Variants in ALDH1A2 observed in about 807,000 individuals in gnomAD.
ALDH1A2 encodes retinal dehydrogenase 2.
Under a neutral mutation model 60.3 loss-of-function variants are expected in ALDH1A2, and 27 were observed. The observed-to-expected ratio is 0.45, with a 90% CI of 0.33 to 0.62. ALDH1A2 has a LOEUF of 0.62. Ranked by LOEUF, ALDH1A2 falls within the 20% of genes least tolerant of loss-of-function variation. The pLI is 0.02. For synonymous variants in ALDH1A2, 289 were observed against 232.4 expected, an observed-to-expected ratio of 1.24 and a Z score of -2.21; for missense variants, 581 against 643.8, an observed-to-expected ratio of 0.90 and a Z score of 1.06.
Position 57,954,600 on chromosome 15 carries a change from A to T in ALDH1A2, c.*597T>A, listed in dbSNP as rs1893454813. 1 of 164,394 alleles carries T rather than the reference A, an allele frequency of 6.1e-6. No homozygotes were observed. Among genetic ancestry groups the T allele is most frequent in the Non-Finnish European group, 1.4e-5 (1 of 73,334 alleles). The allele number at this position is 164,394 out of a possible 1,614,324, so 10.2% of individuals were successfully genotyped here. A position where few individuals can be genotyped will look rare whatever the true frequency, so the allele number is the denominator to read the frequency against. ...CAGGAATATCCCAGGTTCTTACTAC[A>T]TCTGTAGTGTACCAGCTCCTGGCAT... On this transcript the variant is annotated 3_prime_UTR_variant, in exon 13 of 13. Transcript: ENST00000249750.
chr15:57,985,675 C>A (rs1356878144), intron 7 of ALDH1A2, among the ~76,000 whole-genome samples: 1 of 152,092 alleles, frequency 6.6e-6, no homozygotes, highest in Non-Finnish European at 1.5e-5. Flanking sequence ...CTTCATGTAG[C>A]AACAAATATT....
intron 1 of ALDH1A2, among the ~76,000 whole-genome samples, chr15:58,057,370 C>T (rs17820990): frequency 0.47 from 71,443 of 151,570 alleles, 17,250 homozygotes; most frequent in Non-Finnish European, 0.53. Context: ...GATGTTACCA[C>T]GCAAAACAAT....
chr15:57,987,478 A>G (rs1894742972), intron 7 of ALDH1A2, among the ~76,000 whole-genome samples: 1 of 152,242 alleles, frequency 6.6e-6, no homozygotes, highest in South Asian at 2.1e-4. Context: ...CATCAGAAAC[A>G]GTAAAGTCAG....
At chr15:57,961,104 T>G in intron 11 of ALDH1A2, 33 bp downstream of exon 11, 1 of 1,612,204 alleles carries the variant, frequency 6.2e-7, no homozygotes, top group African/African-American at 1.3e-5. Context: ...ATACCACCAG[T>G]GGAATTTGTT....
At chr15:57,999,299 C>A (rs1482769752) in intron 4 of ALDH1A2, among the ~76,000 whole-genome samples, 1 of 151,882 alleles carries the variant, frequency 6.6e-6, no homozygotes, top group Non-Finnish European at 1.5e-5. Context: ...ATGCATCTGA[C>A]AAAGGTCTAC....
rs574045927 is a variant in ALDH1A2 at position 57,959,751 on chromosome 15, C to T, written c.1484+1019G>A. ...TAGTAATAGTGGCAGGATTCAAATC[C>T]GAGCAGTGTGATTCTAGAAACTGCT... On this transcript the variant is annotated intron_variant, in intron 12 of 12. Transcript: ENST00000249750. Among the ~76,000 whole-genome samples the T allele has an allele frequency of 7.0e-4, 106 of 152,222 alleles. 1 individual carries two copies. Among genetic ancestry groups the T allele is most frequent in the Middle Eastern group, 6.8e-3 (2 of 294 alleles).
At chr15:57,979,865 C>T in intron 7 of ALDH1A2, 1 of 323,804 alleles carries the variant, frequency 3.1e-6, no homozygotes. Context: ...AGGCCAAAGA[C>T]CTGGCTACTA....
intron 1 of ALDH1A2, chr15:58,014,596 T>G (rs547321625): frequency 8.4e-5 from 39 of 466,556 alleles, no homozygotes; most frequent in South Asian, 5.1e-4. Flanking sequence ...GAGTTATCGA[T>G]AGCCCAAGCT....
intron 1 of ALDH1A2, among the ~76,000 whole-genome samples, chr15:58,031,890 CT>C (rs1358019613): frequency 7.9e-5 from 12 of 152,132 alleles, no homozygotes; most frequent in Non-Finnish European, 1.6e-4. Flanking sequence ...AATAGGAACA[CT>C]TTTACACTGT....
intron 1 of ALDH1A2, among the ~76,000 whole-genome samples, chr15:58,043,371 C>T (rs1366491745): frequency 1.3e-5 from 2 of 151,968 alleles, no homozygotes; most frequent in Non-Finnish European, 2.9e-5. Flanking sequence ...ATATTCTGTA[C>T]ATCTGGGTTA....
intron 1 of ALDH1A2, among the ~76,000 whole-genome samples, chr15:58,047,551 T>TGA (rs1162260606): frequency 3.9e-5 from 6 of 152,054 alleles, no homozygotes; most frequent in African/African-American, 1.2e-4. Context: ...ACTGTATTGA[T>TGA]GATCATCTCA....
At chr15:57,970,073 C>A (rs1390890977) in intron 7 of ALDH1A2, among the ~76,000 whole-genome samples, 1 of 152,244 alleles carries the variant, frequency 6.6e-6, no homozygotes. Flanking sequence ...AAAAGACAGA[C>A]AGGACTCCTG....
chr15:58,033,757 C>T (rs144351376), intron 1 of ALDH1A2, among the ~76,000 whole-genome samples: 2 of 149,620 alleles, frequency 1.3e-5, no homozygotes, highest in African/African-American at 4.9e-5. Context: ...CCTTTCTCCA[C>T]TATGTGCTTT....
intron 1 of ALDH1A2, among the ~76,000 whole-genome samples, chr15:58,026,639 C>T (rs774778396): frequency 6.6e-5 from 10 of 152,130 alleles, no homozygotes; most frequent in Non-Finnish European, 1.2e-4. Flanking sequence ...ACAGATTGTA[C>T]GTGGAGGAAC....
intron 1 of ALDH1A2, among the ~76,000 whole-genome samples, chr15:58,030,946 G>A (rs188268897): frequency 1.1e-3 from 166 of 152,214 alleles, no homozygotes; most frequent in African/African-American, 3.8e-3. Context: ...TGTAAAAATG[G>A]CCATACTGCC....
chr15:58,065,570 C>T lies in ALDH1A2; in HGVS notation c.81G>A (p.Pro27=), dbSNP rs749073109. ...TAATTTCGAGATTGGGCGTGGGCGA[C>T]GGCAGGAGGTGCAGCGACGCCATGA... ...AALMASLHLL[P]SPTPNLEIKY... is the part of the protein sequence containing the mutation. Residue 27 remains proline, a synonymous_variant, in exon 1 of 13, where the codon CCG becomes CCA. Coordinates refer to ENST00000249750, the MANE Select transcript of ALDH1A2 (RefSeq NM_003888.4). 4 of 1,613,554 alleles carry T rather than the reference C, an allele frequency of 2.5e-6. No individual in the cohort carries two copies. The highest frequency in any genetic ancestry group is 2.2e-5 in the East Asian group (1 of 44,826).
At chr15:58,032,343 C>T (rs1226437615) in intron 1 of ALDH1A2, among the ~76,000 whole-genome samples, 9 of 151,574 alleles carry the variant, frequency 5.9e-5, no homozygotes, top group African/African-American at 1.5e-4. Flanking sequence ...CATCACACAC[C>T]GGGGCCTGGT....
At position 57,965,776 on chromosome 15, in the gene ALDH1A2, T is replaced by C. The variant is rs2140454728; in HGVS notation, c.850A>G (p.Thr284Ala). ...AAGRSNLKRV[T>A]LELGGKSPNI... is the part of the protein sequence containing the mutation. ...GGACTTTTGCCTCCAAGTTCCAGAGTTACTCTCTTCAAATTACTTCTTCCA... is the reference window on the plus strand; with the variant it reads ...GGACTTTTGCCTCCAAGTTCCAGAGCTACTCTCTTCAAATTACTTCTTCCA... The change falls in exon 8 of 13, where the codon ACT (threonine) becomes GCT (alanine). Residue 284 changes from threonine to alanine, a missense_variant. This residue lies in a region of ALDH1A2 where 375 missense variants were observed against 469.7 expected (regional missense o/e 0.80). Transcript: ENST00000249750. 6.2e-7 allele frequency: 1 copy of C among 1,614,164 alleles called. No homozygotes were observed. Among genetic ancestry groups the C allele is most frequent in the Non-Finnish European group, 8.5e-7 (1 of 1,179,998 alleles).
chr15:58,063,096 C>G (rs1329020594), intron 1 of ALDH1A2, among the ~76,000 whole-genome samples: 3 of 152,138 alleles, frequency 2.0e-5, no homozygotes, highest in Non-Finnish European at 4.4e-5. Flanking sequence ...ACAAAGTTTT[C>G]TAAGTGCACA....
Sources: allele counts gnomAD v4.1 joint callset (sites outside exome capture counted in the v4.1 genomes callset), GRCh38; gene constraint gnomAD v4.1.1; regional missense constraint gnomAD v4.1.1; transcripts MANE v1.5; gene names NCBI Gene and HGNC (gene_info 2026-07-23, HGNC 2026-07-21).